Variants in PXYLP1 observed in about 807,000 individuals in gnomAD.
PXYLP1 encodes acid phosphatase-like 2.
A neutral mutation model predicts 37.9 loss-of-function variants in PXYLP1; 17 were observed. The ratio of observed to expected loss-of-function variants is 0.45; its 90% CI spans 0.31 to 0.67. PXYLP1 has a LOEUF of 0.67. Ranked by LOEUF, PXYLP1 falls within the 30% of genes least tolerant of loss-of-function variation. PXYLP1 has a pLI of 0.07. For missense variants in PXYLP1, 511 were observed against 612.0 expected (o/e 0.84, Z 1.74); for synonymous variants, 221 against 232.2 (o/e 0.95, Z 0.44).
chr3:141,253,971 G>T (rs993876747), intron 1 of PXYLP1, among the ~76,000 whole-genome samples: 1 of 151,740 alleles, frequency 6.6e-6, no homozygotes, highest in African/African-American at 2.4e-5. Context: ...GAACGCAGTG[G>T]CGCAATCTCA....
At chr3:141,232,161 C>T (rs1019419835) in intron 1 of PXYLP1, among the ~76,000 whole-genome samples, 3 of 152,110 alleles carry the variant, frequency 2.0e-5, no homozygotes, top group African/African-American at 7.2e-5. Context: ...CCTGCCACTC[C>T]CCCCGTGCGC....
Position 141,287,472 on chromosome 3 carries a change from C to A in PXYLP1, c.505+19C>A. 2 of 1,607,920 alleles carry A rather than the reference C, an allele frequency of 1.2e-6. No homozygotes were observed. The highest frequency in any genetic ancestry group is 3.3e-4 in the Middle Eastern group (2 of 6,012). The stretch of plus-strand genomic sequence containing the variant: ...CAGACAGGTATGTGTGACCCCCATG[C>A]GCTCAGGGGTTCCCCCACCCGCTCT... On this transcript the variant is annotated intron_variant, in intron 5 of 5. Coordinates refer to ENST00000286353, the MANE Select transcript of PXYLP1 (RefSeq NM_001037172.3).
chr3:141,257,904 C>CAAAAAAA (rs59070598), intron 1 of PXYLP1, among the ~76,000 whole-genome samples: 9 of 79,438 alleles, frequency 1.1e-4, no homozygotes, highest in Non-Finnish European at 2.0e-4. Context: ...AACTCTGTCT[C>CAAAAAAA]AAAAAAAAAA....
At chr3:141,246,337 C>T (rs954449867) in intron 1 of PXYLP1, among the ~76,000 whole-genome samples, 2 of 152,160 alleles carry the variant, frequency 1.3e-5, no homozygotes, top group Non-Finnish European at 2.9e-5. Flanking sequence ...GCCAGCCACC[C>T]AGGAATTTCA....
intron 3 of PXYLP1, among the ~76,000 whole-genome samples, chr3:141,278,788 A>T (rs532123134): frequency 6.6e-6 from 1 of 152,356 alleles, no homozygotes; most frequent in East Asian, 1.9e-4. Flanking sequence ...CTTTAGTGAG[A>T]CAGCAGCAAG....
intron 2 of PXYLP1, 22 bp from the exon 3 acceptor site, chr3:141,278,320 A>T: frequency 6.2e-7 from 1 of 1,613,888 alleles, no homozygotes; most frequent in South Asian, 1.1e-5. Flanking sequence ...TGTGCGTCAC[A>T]ACCTGCCTTA....
intron 2 of PXYLP1, among the ~76,000 whole-genome samples, chr3:141,268,192 A>T (rs920632802): frequency 4.1e-5 from 4 of 98,508 alleles, no homozygotes; most frequent in African/African-American, 1.7e-4. Context: ...AGAGAGAGAG[A>T]GAGAGAGAGA....
intron 2 of PXYLP1, chr3:141,272,978 C>T: frequency 5.1e-6 from 5 of 985,244 alleles, no homozygotes; most frequent in Non-Finnish European, 6.0e-6. Context: ...TTAACCATCA[C>T]ATCTGGTAAC....
chr3:141,232,841 T>C (rs1421522593), intron 1 of PXYLP1, among the ~76,000 whole-genome samples: 3 of 152,192 alleles, frequency 2.0e-5, no homozygotes. Flanking sequence ...GGGGGCTCTG[T>C]AGTGAGTGAG....
At chr3:141,265,295 A>G (rs1345341215) in intron 2 of PXYLP1, among the ~76,000 whole-genome samples, 1 of 152,046 alleles carries the variant, frequency 6.6e-6, no homozygotes, top group Non-Finnish European at 1.5e-5. Context: ...AAGCACCTTC[A>G]TCAGAATAAC....
chr3:141,233,055 A>AGTGCGTGTGAAGCTGGCT (rs1297520514), intron 1 of PXYLP1, among the ~76,000 whole-genome samples: 1 of 152,208 alleles, frequency 6.6e-6, no homozygotes, highest in Non-Finnish European at 1.5e-5. Flanking sequence ...TGAAGCTGGC[A>AGTGCGTGTGAAGCTGGCT]GTGCGGAGCC....
intron 1 of PXYLP1, among the ~76,000 whole-genome samples, chr3:141,236,869 A>T (rs540777184): frequency 1.3e-5 from 2 of 152,252 alleles, no homozygotes; most frequent in Non-Finnish European, 2.9e-5. Flanking sequence ...ATCTTAAAAC[A>T]TAGATATAAA....
rs369570856 is a variant in PXYLP1, at chr3:141,292,847, G to A, written c.1085G>A (p.Arg362His). 66 of 1,613,914 alleles carry A rather than the reference G, an allele frequency of 4.1e-5. No individual in the cohort carries two copies. The highest frequency in any genetic ancestry group is 1.6e-4 in the Middle Eastern group (1 of 6,082). ...AACCAAACCATCGGCCGGATGCAGC[G>A]TGCCACCGAGGGCAGGAAAGAAGAG... ...ILNQTIGRMQ[R>H]ATEGRKEELF... is the part of the protein sequence containing the mutation. The change falls in exon 6 of 6, where the codon CGT (arginine) becomes CAT (histidine). Residue 362 changes from arginine (R) to histidine (H), a missense_variant. Physicochemically the swap from Arg to His is conservative, Grantham distance 29. Transcript: ENST00000286353. The surrounding 1 kb of genome is among the most constrained non-coding windows in gnomAD (Gnocchi z 4.3).
chr3:141,244,747 A>G (rs1251333966), intron 1 of PXYLP1, among the ~76,000 whole-genome samples: 1 of 151,318 alleles, frequency 6.6e-6, no homozygotes, highest in Non-Finnish European at 1.5e-5. Flanking sequence ...CTGTTTCCCT[A>G]TGGATGAACA....
At chr3:141,274,547 C>G (rs1303657935) in intron 2 of PXYLP1, 1 of 1,213,270 alleles carries the variant, frequency 8.2e-7, no homozygotes, top group East Asian at 2.5e-5. Flanking sequence ...GTTCGGCAAC[C>G]CTCAGTGCTC....
chr3:141,294,664 A>G lies in PXYLP1; in HGVS notation c.*1459A>G, dbSNP rs1942308329. The G allele has an allele frequency of 6.6e-6, 1 of 152,210 alleles. No individual in the cohort carries two copies. The highest frequency in any genetic ancestry group is 6.5e-5 in the Admixed American group (1 of 15,286). The allele number at this position is 152,210 out of a possible 1,614,324, so 9.4% of individuals were successfully genotyped here. On this transcript the variant is annotated 3_prime_UTR_variant, in exon 6 of 6. Coordinates refer to ENST00000286353, the MANE Select transcript of PXYLP1 (RefSeq NM_001037172.3). ...ACTATACAACTAATGGTTTGTACCT[A>G]TAAGTCACTCGAGTTATTTTCAAGT...
chr3:141,245,657 G>T (rs1940918597), intron 1 of PXYLP1, among the ~76,000 whole-genome samples: 1 of 152,198 alleles, frequency 6.6e-6, no homozygotes, highest in Non-Finnish European at 1.5e-5. Context: ...AAAGAAAGGA[G>T]AAGAAACACC....
intron 1 of PXYLP1, among the ~76,000 whole-genome samples, chr3:141,238,402 C>T (rs1048985525): frequency 2.0e-5 from 3 of 152,198 alleles, no homozygotes; most frequent in African/African-American, 7.2e-5. Context: ...GGGCTGTCGA[C>T]CAGAAAATCC....
intron 5 of PXYLP1, among the ~76,000 whole-genome samples, chr3:141,288,358 T>G (rs1037018806): frequency 2.6e-5 from 4 of 152,206 alleles, no homozygotes; most frequent in African/African-American, 9.6e-5. Flanking sequence ...CATCCTATAG[T>G]AGGCCCTCTT....
Sources: gnomAD v4.1 joint callset for allele counts (sites outside exome capture counted in the v4.1 genomes callset) on GRCh38, gnomAD v4.1.1 for gene constraint, Gnocchi (gnomAD v3.1) non-coding constraint, MANE v1.5 for transcripts, NCBI Gene and HGNC (gene_info 2026-07-23, HGNC 2026-07-21) for gene names.